Variants in PKD2 observed in about 807,000 individuals in gnomAD.
PKD2 encodes the protein polycystin-2.
In PKD2, 48 loss-of-function variants were observed where a neutral mutation model predicts 105.9. That is an observed-to-expected ratio of 0.45 (90% CI 0.36 to 0.58). PKD2 has a LOEUF of 0.58. PKD2 is among the 20% of genes least tolerant of loss of function. The probability of loss-of-function intolerance (pLI) is 0.00; values close to 1 mark genes in which losing one functional copy is unlikely to be tolerated. For missense variants in PKD2, 1,078 were observed against 1,255.3 expected (o/e 0.86, Z 2.13); for synonymous variants, 464 against 481.1 (o/e 0.96, Z 0.46).
At chr4:88,011,149 A>G (rs115131802) in intron 1 of PKD2, among the ~76,000 whole-genome samples, 41 of 152,346 alleles carry the variant, frequency 2.7e-4, no homozygotes, top group African/African-American at 9.4e-4. Flanking sequence ...GCCCAGATTT[A>G]AAAGTATCCT....
Position 88,007,690 on chromosome 4 carries a change from G to A in PKD2, c.-44G>A. On this transcript the variant is annotated 5_prime_UTR_variant, in exon 1 of 15. Transcript: ENST00000237596. ...CATGGCTCCTGAGGCGCACAGCGCC[G>A]AGCGCGGCGCCGCGCACCCGCGCGC... 1 of 1,135,632 alleles carries A rather than the reference G, an allele frequency of 8.8e-7. No individual in the cohort carries two copies. Among genetic ancestry groups the A allele is most frequent in the South Asian group, 2.9e-5 (1 of 34,766 alleles). 70.3% of individuals were successfully genotyped at this position (1,135,632 alleles called of 1,614,324 possible). A position where few individuals can be genotyped will look rare whatever the true frequency, so the allele number is the denominator to read the frequency against.
At chr4:88,014,421 G>A (rs1263555182) in intron 1 of PKD2, among the ~76,000 whole-genome samples, 4 of 152,048 alleles carry the variant, frequency 2.6e-5, no homozygotes, top group Admixed American at 6.6e-5. Flanking sequence ...AGAGACTGGG[G>A]CGGGAGGATT....
intron 2 of PKD2, among the ~76,000 whole-genome samples, chr4:88,034,172 G>T (rs987076105): frequency 6.6e-6 from 1 of 152,106 alleles, no homozygotes; most frequent in Admixed American, 6.5e-5. Context: ...AATTACATTA[G>T]GTTATAAGAT....
chr4:88,017,310 G>A (rs369323339), intron 1 of PKD2, among the ~76,000 whole-genome samples: 5 of 152,160 alleles, frequency 3.3e-5, no homozygotes, highest in South Asian at 2.1e-4. Context: ...ACATACATAC[G>A]TACATACATA....
intron 10 of PKD2, among the ~76,000 whole-genome samples, chr4:88,065,022 C>CG (rs1560625830): frequency 2.0e-5 from 3 of 152,048 alleles, no homozygotes; most frequent in African/African-American, 7.2e-5. Flanking sequence ...ATTCATGATT[C>CG]GGGTTTCTTG....
chr4:88,042,264 C>T (rs926980724), intron 4 of PKD2, among the ~76,000 whole-genome samples: 8 of 152,184 alleles, frequency 5.3e-5, no homozygotes, highest in African/African-American at 1.7e-4. Context: ...GAGCAAGTCA[C>T]GTCTTACGTG....
intron 4 of PKD2, 113 bp downstream of exon 4, chr4:88,038,614 G>A (rs1727431770): frequency 3.6e-6 from 4 of 1,118,090 alleles, no homozygotes; most frequent in Non-Finnish European, 4.1e-6. Context: ...AATAAGTTCA[G>A]TGACTCTTCA....
At chr4:88,014,690 T>C (rs910309538) in intron 1 of PKD2, among the ~76,000 whole-genome samples, 3 of 152,230 alleles carry the variant, frequency 2.0e-5, no homozygotes, top group Admixed American at 2.0e-4. Context: ...AGGATTCTTT[T>C]ATGATACAAA....
intron 11 of PKD2, 89 bp downstream of exon 11, chr4:88,065,584 A>T: frequency 7.3e-7 from 1 of 1,375,832 alleles, no homozygotes. Context: ...CCAAGGGCTC[A>T]TACAGATACT....
intron 7 of PKD2, among the ~76,000 whole-genome samples, chr4:88,054,933 C>T (rs992793648): frequency 2.8e-4 from 42 of 152,116 alleles, no homozygotes; most frequent in Admixed American, 7.9e-4. Flanking sequence ...GGATTACAGG[C>T]TTGAGCCACC....
intron 2 of PKD2, among the ~76,000 whole-genome samples, chr4:88,024,367 G>T (rs1726872426): frequency 7.3e-6 from 1 of 136,850 alleles, no homozygotes; most frequent in Non-Finnish European, 1.5e-5. Context: ...TGAAGCACAA[G>T]AATCACTTGA....
At chr4:88,019,377 G>T in intron 1 of PKD2, 81 bp from the exon 2 acceptor site, 6 of 726,628 alleles carry the variant, frequency 8.3e-6, no homozygotes, top group South Asian at 3.3e-5. Flanking sequence ...TTTTTAATTT[G>T]TGCTTTATTT....
In PKD2 at chr4:88,053,813, T is replaced by C. The variant is rs1222302906; in HGVS notation, c.1716+1655T>C. On this transcript the variant is annotated intron_variant, in intron 7 of 14. Transcript: ENST00000237596. ...GCAAAAATAATAATAGTAATAAGAATGTTCTGTGGTGATGGAAATGTTCTA... is the reference window on the plus strand; with the variant it reads ...GCAAAAATAATAATAGTAATAAGAACGTTCTGTGGTGATGGAAATGTTCTA... 3.9e-5 allele frequency among the ~76,000 whole-genome samples: 6 copies of C among 152,154 alleles called. No individual in the cohort carries two copies. The South Asian group carries it at 1.2e-3, about 32-fold the overall frequency.
At chr4:88,045,525 G>GA (rs1207810936) in intron 5 of PKD2, among the ~76,000 whole-genome samples, 1 of 152,212 alleles carries the variant, frequency 6.6e-6, no homozygotes, top group Non-Finnish European at 1.5e-5. Flanking sequence ...AGATAGTGAT[G>GA]GCTAGTAGCT....
At chr4:88,065,250 A>T (rs1720747104) in intron 10 of PKD2, 124 bp from the exon 11 acceptor site, 1 of 819,982 alleles carries the variant, frequency 1.2e-6, no homozygotes, top group South Asian at 1.4e-5. Flanking sequence ...TTCATCCAGC[A>T]CGTACTTGTT....
intron 2 of PKD2, among the ~76,000 whole-genome samples, chr4:88,024,942 G>C (rs1388725718): frequency 6.6e-6 from 1 of 151,858 alleles, no homozygotes; most frequent in Non-Finnish European, 1.5e-5. Flanking sequence ...AGACCAGCCC[G>C]GCCAAGATGG....
intron 2 of PKD2, among the ~76,000 whole-genome samples, chr4:88,031,708 CT>C (rs1303096645): frequency 2.6e-5 from 4 of 152,282 alleles, no homozygotes; most frequent in Non-Finnish European, 5.9e-5. Flanking sequence ...TTTTTGTCTA[CT>C]TTCTCTGTCA....
intron 2 of PKD2, among the ~76,000 whole-genome samples, chr4:88,028,102 A>G (rs987622826): frequency 3.3e-5 from 5 of 152,254 alleles, no homozygotes; most frequent in African/African-American, 1.2e-4. Flanking sequence ...AATATGGTGT[A>G]TGTACTAGGA....
chr4:88,023,427 C>A (rs1182930095), intron 2 of PKD2, among the ~76,000 whole-genome samples: 1 of 152,230 alleles, frequency 6.6e-6, no homozygotes, highest in Non-Finnish European at 1.5e-5. Flanking sequence ...ATGATCTGAT[C>A]ACCTCGTACC....
Sources: gnomAD v4.1 joint callset for allele counts (sites outside exome capture counted in the v4.1 genomes callset) on GRCh38, gnomAD v4.1.1 for gene constraint, MANE v1.5 for transcripts, NCBI Gene and HGNC (gene_info 2026-07-23, HGNC 2026-07-21) for gene names.